Variants in TEK observed in about 807,000 individuals in gnomAD.
TEK encodes TEK receptor tyrosine kinase, also known as angiopoietin-1 receptor.
Under a neutral mutation model 131.8 loss-of-function variants are expected in TEK, and 43 were observed. The ratio of observed to expected loss-of-function variants is 0.33; its 90% CI spans 0.26 to 0.42. The LOEUF (loss-of-function observed/expected upper bound fraction) is 0.42, where lower values mean the gene tolerates loss of function less well. Among genes scored for constraint, TEK ranks in the 10% least tolerant of loss-of-function variants. The probability of loss-of-function intolerance (pLI) is 1.00; values close to 1 mark genes in which losing one functional copy is unlikely to be tolerated. For missense variants in TEK, 1,162 were observed against 1,384.4 expected (o/e 0.84, Z 2.55); for synonymous variants, 580 against 491.6 (o/e 1.18, Z -2.38).
At chr9:27,158,743 TC>T (rs1383275197) in intron 2 of TEK, among the ~76,000 whole-genome samples, 1 of 150,512 alleles carries the variant, frequency 6.6e-6, no homozygotes, top group East Asian at 2.0e-4. Context: ...CACTGCAACC[TC>T]CGCCTCCCGG....
chr9:27,190,215 G>A (rs965264125), intron 9 of TEK, among the ~76,000 whole-genome samples: 3 of 152,100 alleles, frequency 2.0e-5, no homozygotes, highest in African/African-American at 7.2e-5. Context: ...CTGGAGAGTG[G>A]GCAGGGGCTT....
chr9:27,174,341 G>T (rs780150190), intron 6 of TEK, among the ~76,000 whole-genome samples: 19 of 152,118 alleles, frequency 1.2e-4, no homozygotes, highest in Non-Finnish European at 2.5e-4. Flanking sequence ...ATGCTCCAGG[G>T]CAGAGCAGTT....
chr9:27,110,961 C>G (rs1821318688), intron 1 of TEK, among the ~76,000 whole-genome samples: 1 of 151,414 alleles, frequency 6.6e-6, no homozygotes, highest in Non-Finnish European at 1.5e-5. Context: ...GACATGAAAT[C>G]TGGAACTTAC....
intron 21 of TEK, among the ~76,000 whole-genome samples, chr9:27,221,476 G>T (rs1826076865): frequency 2.2e-5 from 1 of 45,518 alleles, no homozygotes; most frequent in African/African-American, 5.4e-5. Flanking sequence ...TGTGCTCCCT[G>T]ACTGGGAGAC....
At chr9:27,193,298 A>G (rs1417400948) in intron 11 of TEK, among the ~76,000 whole-genome samples, 1 of 152,092 alleles carries the variant, frequency 6.6e-6, no homozygotes, top group African/African-American at 2.4e-5. Flanking sequence ...TTGTTAAAAG[A>G]TGTTTCTGGG....
intron 12 of TEK, chr9:27,198,221 G>C (rs1245110033): frequency 6.2e-6 from 1 of 161,088 alleles, no homozygotes. Flanking sequence ...GTGTGCATTT[G>C]GAACCCTTGG....
At chr9:27,179,568 A>C (rs1170451930) in intron 6 of TEK, among the ~76,000 whole-genome samples, 1 of 152,158 alleles carries the variant, frequency 6.6e-6, no homozygotes, top group East Asian at 1.9e-4. Flanking sequence ...CCTTTTGGGA[A>C]TGTTGATTTT....
chr9:27,128,211 C>T (rs188469511), intron 1 of TEK, among the ~76,000 whole-genome samples: 164 of 152,242 alleles, frequency 1.1e-3, no homozygotes, highest in Non-Finnish European at 7.5e-4. Flanking sequence ...CCAGTTTTCC[C>T]AACACCATTT....
chr9:27,132,942 C>A (rs769038550), intron 1 of TEK, among the ~76,000 whole-genome samples: 6 of 152,040 alleles, frequency 3.9e-5, no homozygotes, highest in Non-Finnish European at 7.4e-5. Flanking sequence ...TAATTATTAC[C>A]TTTAAACATA....
intron 4 of TEK, 47 bp from the exon 5 acceptor site, chr9:27,172,569 G>A (rs1439572430): frequency 2.5e-6 from 4 of 1,609,996 alleles, no homozygotes; most frequent in East Asian, 2.2e-5. Flanking sequence ...AAGATGTGTT[G>A]AGCGAATGCG....
chr9:27,222,204 C>A (rs972902549), intron 21 of TEK, among the ~76,000 whole-genome samples: 5 of 152,150 alleles, frequency 3.3e-5, no homozygotes, highest in African/African-American at 1.2e-4. Context: ...AAGGAATGAA[C>A]AAAGCCTCCA....
intron 1 of TEK, among the ~76,000 whole-genome samples, chr9:27,114,997 A>G (rs1433822708): frequency 6.6e-6 from 1 of 152,238 alleles, no homozygotes; most frequent in Non-Finnish European, 1.5e-5. Context: ...AACTAGGAAT[A>G]TAAATAAGGA....
At chr9:27,212,484 G>C (rs1263669483) in intron 16 of TEK, among the ~76,000 whole-genome samples, 1 of 152,098 alleles carries the variant, frequency 6.6e-6, no homozygotes, top group Non-Finnish European at 1.5e-5. Context: ...GAATGGAGAG[G>C]GGGTGGGAAG....
intron 1 of TEK, among the ~76,000 whole-genome samples, chr9:27,130,693 C>T (rs1286534019): frequency 6.7e-6 from 1 of 148,206 alleles, no homozygotes; most frequent in Non-Finnish European, 1.5e-5. Context: ...TCTCCTGCCT[C>T]AGCCTCCTGA....
chr9:27,201,260 A>G (rs1825203317), intron 12 of TEK, among the ~76,000 whole-genome samples: 1 of 152,172 alleles, frequency 6.6e-6, no homozygotes, highest in Non-Finnish European at 1.5e-5. Context: ...GGTAGATGCA[A>G]ATTTATGATT....
intron 13 of TEK, among the ~76,000 whole-genome samples, 169 bp from the exon 14 acceptor site, chr9:27,204,742 C>T (rs1463174374): frequency 6.6e-6 from 1 of 151,280 alleles, no homozygotes; most frequent in African/African-American, 2.4e-5. Context: ...AGACTCATCT[C>T]CACTGAGTTT....
In TEK at chr9:27,131,703, C is replaced by G. The variant is rs1163388735; in HGVS notation, c.52+22061C>G. Among the ~76,000 whole-genome samples, 3 of 150,864 alleles carry G rather than the reference C, an allele frequency of 2.0e-5. No homozygotes were observed. In the East Asian group the frequency reaches 5.9e-4, roughly 30 times the overall value. On this transcript the variant is annotated intron_variant, in intron 1 of 22. Coordinates refer to ENST00000380036, the MANE Select transcript of TEK (RefSeq NM_000459.5). ...GTATATGCCTGTAGTCCCAGCTACTCAGGAGGCTGAGGCAGGTCTCTTGAG... is the reference window on the plus strand; with the variant it reads ...GTATATGCCTGTAGTCCCAGCTACTGAGGAGGCTGAGGCAGGTCTCTTGAG...
chr9:27,178,889 A>G (rs1824264372), intron 6 of TEK, among the ~76,000 whole-genome samples: 1 of 152,216 alleles, frequency 6.6e-6, no homozygotes, highest in African/African-American at 2.4e-5. Context: ...AACATTTTAA[A>G]TTATCTTGAT....
At chr9:27,155,843 A>G (rs942360584) in intron 1 of TEK, among the ~76,000 whole-genome samples, 3 of 148,522 alleles carry the variant, frequency 2.0e-5, no homozygotes, top group African/African-American at 7.5e-5. Flanking sequence ...TTGAGACAGA[A>G]TTTTGCTCTT....
Sources: allele counts gnomAD v4.1 joint callset (sites outside exome capture counted in the v4.1 genomes callset), GRCh38; gene constraint gnomAD v4.1.1; transcripts MANE v1.5; gene names NCBI Gene and HGNC (gene_info 2026-07-23, HGNC 2026-07-21).